The following RSBN1L variants were observed in gnomAD, a reference collection of about 807,000 sequenced individuals.
RSBN1L encodes round spermatid basic protein 1 like, also known as lysine-specific demethylase RSBN1L.
In RSBN1L, 30 loss-of-function variants were observed where a neutral mutation model predicts 67.7. The observed-to-expected ratio is 0.44, with a 90% confidence interval of 0.33 to 0.60. The LOEUF is 0.60. Ranked by LOEUF, RSBN1L falls within the 20% of genes least tolerant of loss-of-function variation. The pLI is 0.02. For missense variants in RSBN1L, 992 were observed against 1,031.7 expected, an observed-to-expected ratio of 0.96 and a Z score of 0.53; for synonymous variants, 433 against 387.0, an observed-to-expected ratio of 1.12 and a Z score of -1.39.
chr7:77,728,725 T>C (rs937673639), intron 1 of RSBN1L, among the ~76,000 whole-genome samples: 1 of 152,264 alleles, frequency 6.6e-6, no homozygotes, highest in Non-Finnish European at 1.5e-5. Flanking sequence ...AGAAGCTGGC[T>C]GTCTGCCTCA....
At chr7:77,708,374 A>G (rs1415081582) in intron 1 of RSBN1L, among the ~76,000 whole-genome samples, 1 of 141,786 alleles carries the variant, frequency 7.1e-6, no homozygotes, top group Non-Finnish European at 1.5e-5. Context: ...TCCTTTTGCC[A>G]GGATGAGACT....
intron 1 of RSBN1L, among the ~76,000 whole-genome samples, chr7:77,730,810 A>G (rs568635817): frequency 1.3e-5 from 2 of 152,332 alleles, no homozygotes; most frequent in East Asian, 1.9e-4. Context: ...AGTTTTGCCA[A>G]TTATGAGTAA....
intron 1 of RSBN1L, among the ~76,000 whole-genome samples, chr7:77,730,607 C>T (rs943931861): frequency 3.9e-5 from 6 of 152,256 alleles, no homozygotes; most frequent in African/African-American, 9.6e-5. Context: ...TTAAAGTCTC[C>T]GTAGTTTTGC....
intron 1 of RSBN1L, among the ~76,000 whole-genome samples, chr7:77,735,063 A>C (rs981737809): frequency 1.3e-5 from 2 of 151,928 alleles, no homozygotes; most frequent in Non-Finnish European, 2.9e-5. Context: ...TGAAAAAAAA[A>C]AACAAAAAAC....
intron 3 of RSBN1L, among the ~76,000 whole-genome samples, chr7:77,758,017 C>T (rs1438311732): frequency 2.0e-5 from 3 of 151,678 alleles, no homozygotes; most frequent in South Asian, 2.1e-4. Flanking sequence ...CCAGCCTGGA[C>T]GACAGAGTGA....
At chr7:77,765,960 A>G (rs558618539) in intron 4 of RSBN1L, among the ~76,000 whole-genome samples, 9 of 152,316 alleles carry the variant, frequency 5.9e-5, no homozygotes, top group Non-Finnish European at 1.2e-4. Context: ...TTTGTAAACT[A>G]AGTACTAAAG....
chr7:77,711,817 A>G (rs1790978592), intron 1 of RSBN1L, among the ~76,000 whole-genome samples: 1 of 152,224 alleles, frequency 6.6e-6, no homozygotes. Flanking sequence ...CCTGTTGTGC[A>G]TATTTCCATA....
chr7:77,750,869 C>A (rs1279600274), intron 3 of RSBN1L, among the ~76,000 whole-genome samples: 1 of 152,154 alleles, frequency 6.6e-6, no homozygotes, highest in Non-Finnish European at 1.5e-5. Context: ...TATCCCAACA[C>A]CTCTCAATTT....
At chr7:77,774,756 A>C (rs910715966) in intron 6 of RSBN1L, among the ~76,000 whole-genome samples, 1 of 152,224 alleles carries the variant, frequency 6.6e-6, no homozygotes, top group Non-Finnish European at 1.5e-5. Context: ...ACAACAACAA[A>C]AAAAGATAAT....
chr7:77,775,669 G>C (rs1376309288), intron 6 of RSBN1L, among the ~76,000 whole-genome samples: 1 of 152,138 alleles, frequency 6.6e-6, no homozygotes, highest in Non-Finnish European at 1.5e-5. Context: ...CTTGTGGTCA[G>C]AGAACATATT....
In RSBN1L at chr7:77,703,816, A is replaced by G. The variant is rs146574886; in HGVS notation, c.586+6761A>G. Among the ~76,000 whole-genome samples the G allele has an allele frequency of 3.0e-4, 46 of 151,600 alleles. No individual in the cohort carries two copies. In the East Asian group the frequency reaches 8.6e-3, roughly 28 times the overall value. On this transcript the variant is annotated intron_variant, in intron 1 of 7. Coordinates refer to ENST00000334955, the MANE Select transcript of RSBN1L (RefSeq NM_198467.3). The stretch of plus-strand genomic sequence containing the variant: ...TTGGGTATATTTTTAAGAGACAGGA[A>G]TCTTGCTCTGTTGCCCAGGTTGGAA...
At chr7:77,734,884 G>A (rs1444479182) in intron 1 of RSBN1L, among the ~76,000 whole-genome samples, 1 of 152,076 alleles carries the variant, frequency 6.6e-6, no homozygotes, top group African/African-American at 2.4e-5. Context: ...AGAAGTGTGG[G>A]AACACTGTAA....
At chr7:77,698,606 A>G (rs1790772172) in intron 1 of RSBN1L, among the ~76,000 whole-genome samples, 1 of 152,244 alleles carries the variant, frequency 6.6e-6, no homozygotes, top group Non-Finnish European at 1.5e-5. Context: ...CCTTAAAGTG[A>G]AATGGCTGTT....
intron 2 of RSBN1L, among the ~76,000 whole-genome samples, chr7:77,739,977 C>G (rs1325302864): frequency 6.6e-6 from 1 of 151,242 alleles, no homozygotes; most frequent in Non-Finnish European, 1.5e-5. Context: ...ATGGCGAACT[C>G]CTGAGGTCAG....
intron 3 of RSBN1L, among the ~76,000 whole-genome samples, chr7:77,763,084 A>G (rs767304610): frequency 6.6e-6 from 1 of 152,062 alleles, no homozygotes; most frequent in Non-Finnish European, 1.5e-5. Context: ...AATTTAAACA[A>G]GATAAGGAAA....
At chr7:77,723,354 C>A (rs1415786288) in intron 1 of RSBN1L, among the ~76,000 whole-genome samples, 1 of 152,128 alleles carries the variant, frequency 6.6e-6, no homozygotes, top group East Asian at 1.9e-4. Flanking sequence ...ATTTCCTATA[C>A]ATCAAAATCT....
chr7:77,758,605 C>T (rs1395061899), intron 3 of RSBN1L, among the ~76,000 whole-genome samples: 2 of 151,978 alleles, frequency 1.3e-5, no homozygotes, highest in Non-Finnish European at 2.9e-5. Context: ...TTTGTGTGTG[C>T]GCATTAATAG....
At chr7:77,698,078 T>C (rs781414707) in intron 1 of RSBN1L, among the ~76,000 whole-genome samples, 27 of 152,284 alleles carry the variant, frequency 1.8e-4, no homozygotes, top group Non-Finnish European at 3.7e-4. Flanking sequence ...TCAGCATTGC[T>C]GATCTAACAG....
intron 1 of RSBN1L, among the ~76,000 whole-genome samples, chr7:77,726,794 T>TTC (rs1791209411): frequency 6.7e-6 from 1 of 150,006 alleles, no homozygotes; most frequent in Admixed American, 6.7e-5. Context: ...TTTTTTTTTT[T>TTC]TTTGAGGCAG....
Sources: allele counts gnomAD v4.1 joint callset (sites outside exome capture counted in the v4.1 genomes callset), GRCh38; gene constraint gnomAD v4.1.1; transcripts MANE v1.5; gene names NCBI Gene and HGNC (gene_info 2026-07-23, HGNC 2026-07-21).